The following TMEM163 variants were observed in gnomAD, a reference collection of about 807,000 sequenced individuals.
TMEM163 encodes transmembrane protein 163.
TMEM163 carries 17 observed loss-of-function variants against 29.3 expected under a neutral mutation model. That is an observed-to-expected ratio of 0.58 (90% CI 0.40 to 0.87). TMEM163 has a LOEUF of 0.87. Ranked by LOEUF, TMEM163 falls within the 40% of genes least tolerant of loss-of-function variation. The probability of loss-of-function intolerance (pLI) is 0.00; values close to 1 mark genes in which losing one functional copy is unlikely to be tolerated. For missense variants in TMEM163, 303 were observed against 381.5 expected, an observed-to-expected ratio of 0.79 and a Z score of 1.71; for synonymous variants, 157 against 160.6, an observed-to-expected ratio of 0.98 and a Z score of 0.17.
At chr2:134,531,498 G>A (rs1394445493) in intron 4 of TMEM163, among the ~76,000 whole-genome samples, 1 of 152,204 alleles carries the variant, frequency 6.6e-6, no homozygotes, top group Admixed American at 6.5e-5. Context: ...GCCCCAGGGT[G>A]TTTTAACCTG....
intron 2 of TMEM163, among the ~76,000 whole-genome samples, chr2:134,567,718 T>C (rs1681327924): frequency 6.6e-6 from 1 of 151,908 alleles, no homozygotes; most frequent in African/African-American, 2.4e-5. Flanking sequence ...TAATAAAGAG[T>C]CAGAGACTTT....
At chr2:134,612,112 A>G (rs367928714) in intron 2 of TMEM163, among the ~76,000 whole-genome samples, 2 of 152,322 alleles carry the variant, frequency 1.3e-5, no homozygotes, top group East Asian at 3.9e-4. Flanking sequence ...TGAAAAGTCA[A>G]TCCACAAAGT....
Position 134,466,208 on chromosome 2 carries a change from A to T in TMEM163, c.573T>A (p.Ser191Arg). 1 of 1,613,764 alleles carries T rather than the reference A, an allele frequency of 6.2e-7. No individual in the cohort carries two copies. Among genetic ancestry groups the T allele is most frequent in the Non-Finnish European group, 8.5e-7 (1 of 1,179,918 alleles). ...LLPEVDDFLF[S>R]VSILSGILCS... ...AAAGAATCCCACTTAAAATGGAGAC[A>T]CTGAACAGGAAATCGTCCTGCAAGA... The change falls in exon 6 of 8, where the codon AGT (serine) becomes AGA (arginine). Residue 191 changes from serine to arginine, a missense_variant. By Grantham distance (110) the Ser-to-Arg change is moderately radical. Around this residue, in one of 2 missense-constraint regions of TMEM163, gnomAD observed 203 missense variants for 294.3 expected, o/e 0.69. Coordinates refer to ENST00000281924, the MANE Select transcript of TMEM163 (RefSeq NM_030923.5).
At chr2:134,496,362 G>A (rs971486526) in intron 5 of TMEM163, among the ~76,000 whole-genome samples, 2 of 152,022 alleles carry the variant, frequency 1.3e-5, no homozygotes, top group Non-Finnish European at 2.9e-5. Flanking sequence ...GCACCAGGCC[G>A]CAAACCTAAC....
chr2:134,574,584 AT>A (rs2104787938), intron 2 of TMEM163, among the ~76,000 whole-genome samples: 1 of 152,314 alleles, frequency 6.6e-6, no homozygotes, highest in East Asian at 1.9e-4. Flanking sequence ...AACAAAAAAA[AT>A]CTAGGAAGAT....
intron 5 of TMEM163, among the ~76,000 whole-genome samples, chr2:134,487,782 G>A (rs1306038316): frequency 6.6e-6 from 1 of 152,022 alleles, no homozygotes; most frequent in East Asian, 1.9e-4. Flanking sequence ...AATCATCTTG[G>A]GCAAGTTGTA....
rs1291242735 is a variant in TMEM163, at chr2:134,713,749, T to C, written c.203-430A>G. 2.9e-5 allele frequency: 13 copies of C among 452,524 alleles called. No individual in the cohort carries two copies. In the Admixed American group the frequency reaches 3.1e-4, roughly 11 times the overall value. The allele number at this position is 452,524 out of a possible 1,614,324, so 28.0% of individuals were successfully genotyped here. ...CCTTCAGGCTCCTCAGCTGTGAGCA[T>C]TGATTCACCAGCACAGTCCCAACTG... On this transcript the variant is annotated intron_variant, in intron 1 of 7. Coordinates refer to ENST00000281924, the MANE Select transcript of TMEM163 (RefSeq NM_030923.5).
intron 4 of TMEM163, among the ~76,000 whole-genome samples, chr2:134,531,670 A>C (rs1680419198): frequency 6.6e-6 from 1 of 152,178 alleles, no homozygotes; most frequent in Non-Finnish European, 1.5e-5. Context: ...GGATGCATGG[A>C]GCAAGGCACA....
intron 2 of TMEM163, among the ~76,000 whole-genome samples, chr2:134,615,050 CACACACAG>C (rs1032598279): frequency 2.0e-5 from 3 of 152,012 alleles, no homozygotes; most frequent in African/African-American, 4.8e-5. Flanking sequence ...CATAGACACA[CACACACAG>C]ACACACAGAC....
intron 2 of TMEM163, among the ~76,000 whole-genome samples, chr2:134,683,322 G>T (rs944501193): frequency 6.6e-6 from 1 of 151,954 alleles, no homozygotes; most frequent in African/African-American, 2.4e-5. Flanking sequence ...TATTGATAAC[G>T]GGGGGAAGCT....
rs1558952764 is a variant in TMEM163, at chr2:134,581,633, G to GT, written c.323-29543_323-29542insA. Among the ~76,000 whole-genome samples the GT allele has an allele frequency of 1.6e-4, 21 of 134,704 alleles. 1 individual carries two copies. The highest frequency in any genetic ancestry group is 4.7e-4 in the African/African-American group (18 of 38,102). 88.4% of individuals were successfully genotyped at this position (134,704 alleles called of 152,430 possible). A position where few individuals can be genotyped will look rare whatever the true frequency, so the allele number is the denominator to read the frequency against. On this transcript the variant is annotated intron_variant, in intron 2 of 7. Coordinates refer to ENST00000281924, the MANE Select transcript of TMEM163 (RefSeq NM_030923.5). ...AACATTCTTCATGCTCTTTATGGGGGCGGGGGGGAGATGAATTTTATGAGG... is the reference window on the plus strand; with the variant it reads ...AACATTCTTCATGCTCTTTATGGGGGTCGGGGGGGAGATGAATTTTATGAGG...
chr2:134,523,357 T>G (rs1440697491), intron 4 of TMEM163, among the ~76,000 whole-genome samples: 5 of 152,142 alleles, frequency 3.3e-5, no homozygotes, highest in Non-Finnish European at 7.4e-5. Flanking sequence ...AAAGGTCACA[T>G]GCCAAAAACT....
intron 2 of TMEM163, among the ~76,000 whole-genome samples, chr2:134,678,570 G>A (rs1278734712): frequency 2.0e-5 from 3 of 152,180 alleles, no homozygotes; most frequent in Admixed American, 6.5e-5. Flanking sequence ...CCACATATCC[G>A]CTGAGAGGGA....
chr2:134,585,741 C>A (rs1014575619), intron 2 of TMEM163, among the ~76,000 whole-genome samples: 32 of 141,702 alleles, frequency 2.3e-4, no homozygotes, highest in East Asian at 4.1e-4. Context: ...GACTCCGTCT[C>A]AAAAAAAAAA....
At chr2:134,592,511 T>C (rs1465218613) in intron 2 of TMEM163, among the ~76,000 whole-genome samples, 1 of 152,210 alleles carries the variant, frequency 6.6e-6, no homozygotes, top group African/African-American at 2.4e-5. Flanking sequence ...ACAAAGAATC[T>C]GTTTTGTCAG....
At chr2:134,661,837 TGG>T (rs1683757793) in intron 2 of TMEM163, among the ~76,000 whole-genome samples, 1 of 151,748 alleles carries the variant, frequency 6.6e-6, no homozygotes, top group Non-Finnish European at 1.5e-5. Flanking sequence ...GATTTCAAAA[TGG>T]GGAGTTTTAA....
intron 4 of TMEM163, among the ~76,000 whole-genome samples, chr2:134,518,465 A>G (rs1680121771): frequency 6.6e-6 from 1 of 152,258 alleles, no homozygotes; most frequent in South Asian, 2.1e-4. Context: ...TGCCTGTCCT[A>G]GAAATGGGAA....
chr2:134,632,598 G>T (rs1240487519), intron 2 of TMEM163, among the ~76,000 whole-genome samples: 1 of 152,216 alleles, frequency 6.6e-6, no homozygotes, highest in African/African-American at 2.4e-5. Flanking sequence ...CCTGCTCTTT[G>T]CTTCACAGGT....
intron 2 of TMEM163, among the ~76,000 whole-genome samples, chr2:134,621,820 G>A (rs1682743261): frequency 6.6e-6 from 1 of 152,130 alleles, no homozygotes; most frequent in African/African-American, 2.4e-5. Flanking sequence ...GAACCCGGGA[G>A]GTGGAGCTTG....
Sources: gnomAD v4.1 joint callset for allele counts (sites outside exome capture counted in the v4.1 genomes callset) on GRCh38, gnomAD v4.1.1 for gene constraint, gnomAD v4.1.1 regional missense constraint, MANE v1.5 for transcripts, NCBI Gene and HGNC (gene_info 2026-07-23, HGNC 2026-07-21) for gene names.